Variants in RNF13 observed in about 807,000 individuals in gnomAD.
RNF13 encodes ring finger protein 13.
In RNF13, 19 loss-of-function variants were observed where a neutral mutation model predicts 37.7. The ratio of observed to expected loss-of-function variants is 0.50; its 90% CI spans 0.35 to 0.74. The LOEUF is 0.74. RNF13 is among the 30% of genes least tolerant of loss of function. The probability of loss-of-function intolerance (pLI) is 0.01; values close to 1 mark genes in which losing one functional copy is unlikely to be tolerated. For missense variants in RNF13, 375 were observed against 453.0 expected (o/e 0.83, Z 1.56); for synonymous variants, 144 against 157.8 (o/e 0.91, Z 0.65).
At chr3:149,948,282 G>A (rs1049074642) in intron 8 of RNF13, among the ~76,000 whole-genome samples, 7 of 152,188 alleles carry the variant, frequency 4.6e-5, no homozygotes, top group East Asian at 3.9e-4. Context: ...TGATTTTCTT[G>A]TAAGCACTTT....
In RNF13 at chr3:149,846,056, G is replaced by A. The variant is rs1455250502; in HGVS notation, c.30G>A (p.Leu10=). 6.2e-7 allele frequency: 1 copy of A among 1,612,212 alleles called. No individual in the cohort carries two copies. Residue 10 remains leucine (L), a synonymous_variant, in exon 2 of 10, where the codon CTG becomes CTA. Transcript: ENST00000392894. ...TGCTCTCCATAGGGATGCTCATGCT[G>A]TCAGCCACACAAGTCTACACCATCT... The part of the protein sequence containing the change: MLLSIGMLM[L]SATQVYTILT...
intron 8 of RNF13, among the ~76,000 whole-genome samples, chr3:149,926,514 C>G (rs1438180450): frequency 1.3e-5 from 2 of 151,996 alleles, no homozygotes; most frequent in Non-Finnish European, 2.9e-5. Flanking sequence ...CCAGCCTCTT[C>G]TGTGTTTTTA....
intron 1 of RNF13, among the ~76,000 whole-genome samples, chr3:149,843,224 T>C (rs1281744675): frequency 6.6e-6 from 1 of 152,202 alleles, no homozygotes; most frequent in African/African-American, 2.4e-5. Context: ...TGGGTGGACA[T>C]GTGTAGATTA....
At chr3:149,832,756 T>C (rs1268062926) in intron 1 of RNF13, among the ~76,000 whole-genome samples, 4 of 152,152 alleles carry the variant, frequency 2.6e-5, no homozygotes, top group Non-Finnish European at 5.9e-5. Flanking sequence ...ATAAACAATT[T>C]TATGCCAAGA....
chr3:149,895,700 G>T, intron 5 of RNF13, 140 bp downstream of exon 5: 4 of 499,240 alleles, frequency 8.0e-6, no homozygotes, highest in South Asian at 3.9e-5. Flanking sequence ...TCTTAACTCT[G>T]GATGATTTTA....
Position 149,845,998 on chromosome 3 carries a change from C to A in RNF13, c.-16-13C>A. 1.4e-6 allele frequency: 2 copies of A among 1,452,294 alleles called. No homozygotes were observed. Among genetic ancestry groups the A allele is most frequent in the Non-Finnish European group, 1.9e-6 (2 of 1,037,212 alleles). 90.0% of individuals were successfully genotyped at this position (1,452,294 alleles called of 1,614,324 possible). ...AGCACCAGCTCTCAGTTACTCACAT[C>A]CTTGTCTTCCAGGTGATTTTACAAC... On this transcript the variant is annotated splice_polypyrimidine_tract_variant and intron_variant, in intron 1 of 9. Coordinates refer to ENST00000392894, the MANE Select transcript of RNF13 (RefSeq NM_183381.3).
chr3:149,897,575 C>A (rs1464764144), intron 5 of RNF13, among the ~76,000 whole-genome samples: 1 of 152,176 alleles, frequency 6.6e-6, no homozygotes, highest in Admixed American at 6.5e-5. Flanking sequence ...TCAAAGACTG[C>A]TCAGAATTTT....
In RNF13 at chr3:149,872,561, A is replaced by G. The variant is rs16862282; in HGVS notation, c.321+407A>G. Among the ~76,000 whole-genome samples, 914 of 152,322 alleles carry G rather than the reference A, an allele frequency of 6.0e-3. 6 individuals are homozygous for G. The highest frequency in any genetic ancestry group is 0.021 in the African/African-American group (869 of 41,554). On this transcript the variant is annotated intron_variant, in intron 4 of 9. Transcript: ENST00000392894. ...GACATGGGTTAAGCTAGCATTTCAG[A>G]TAGTAAAACAAGGTTTACCCACCTC... is the stretch of plus-strand genomic sequence containing the variant.
intron 4 of RNF13, among the ~76,000 whole-genome samples, chr3:149,876,248 A>T (rs1712678645): frequency 6.6e-6 from 1 of 152,246 alleles, no homozygotes; most frequent in Non-Finnish European, 1.5e-5. Context: ...CACTTTATTC[A>T]GCAGTGTGTG....
At chr3:149,843,018 C>G (rs961203022) in intron 1 of RNF13, among the ~76,000 whole-genome samples, 1 of 152,126 alleles carries the variant, frequency 6.6e-6, no homozygotes, top group Non-Finnish European at 1.5e-5. Flanking sequence ...GCAGTTCGCC[C>G]TCCGTATCCA....
intron 6 of RNF13, among the ~76,000 whole-genome samples, chr3:149,909,899 TTA>T (rs1202143695): frequency 6.6e-6 from 1 of 151,926 alleles, no homozygotes; most frequent in Non-Finnish European, 1.5e-5. Context: ...CAGGATTTAT[TTA>T]TCTCATCAAG....
intron 8 of RNF13, among the ~76,000 whole-genome samples, chr3:149,923,540 A>T (rs1718349017): frequency 6.6e-6 from 1 of 152,030 alleles, no homozygotes; most frequent in Non-Finnish European, 1.5e-5. Flanking sequence ...GCCAAGGCAG[A>T]CAGATCACTA....
At chr3:149,932,565 A>G (rs1343222377) in intron 8 of RNF13, among the ~76,000 whole-genome samples, 4 of 149,664 alleles carry the variant, frequency 2.7e-5, no homozygotes, top group Admixed American at 1.3e-4. Flanking sequence ...AAAGGGAGGA[A>G]TTGGCCAAAA....
chr3:149,915,280 A>T (rs2108524699), intron 7 of RNF13, among the ~76,000 whole-genome samples: 1 of 152,298 alleles, frequency 6.6e-6, no homozygotes, highest in Admixed American at 6.5e-5. Flanking sequence ...ATATAGATTA[A>T]TTTTTTATAC....
At chr3:149,928,004 CTTTT>C (rs766839142) in intron 8 of RNF13, among the ~76,000 whole-genome samples, 9 of 111,188 alleles carry the variant, frequency 8.1e-5, no homozygotes, top group African/African-American at 1.4e-4. Context: ...AAGCAAAAAC[CTTTT>C]TTTTTTTTTT....
At chr3:149,946,946 G>A (rs1290440101) in intron 8 of RNF13, among the ~76,000 whole-genome samples, 2 of 152,084 alleles carry the variant, frequency 1.3e-5, no homozygotes, top group African/African-American at 2.4e-5. Context: ...CATTCCATCA[G>A]TTTTGGTATG....
chr3:149,883,725 G>A (rs566288849), intron 4 of RNF13, among the ~76,000 whole-genome samples: 44 of 151,136 alleles, frequency 2.9e-4, no homozygotes, highest in South Asian at 4.2e-4. Flanking sequence ...TAAGTTCTGG[G>A]GTACATGTAC....
At chr3:149,878,108 TTATG>T (rs1221483699) in intron 4 of RNF13, among the ~76,000 whole-genome samples, 1 of 152,176 alleles carries the variant, frequency 6.6e-6, no homozygotes, top group Non-Finnish European at 1.5e-5. Flanking sequence ...GTAACTTTAT[TTATG>T]TATCTATTCC....
At chr3:149,902,790 C>T (rs377096504) in intron 6 of RNF13, among the ~76,000 whole-genome samples, 1 of 152,074 alleles carries the variant, frequency 6.6e-6, no homozygotes, top group Non-Finnish European at 1.5e-5. Flanking sequence ...ATCCCCAAAA[C>T]GTAGTTGACC....
Sources: allele counts gnomAD v4.1 joint callset (sites outside exome capture counted in the v4.1 genomes callset), GRCh38; gene constraint gnomAD v4.1.1; transcripts MANE v1.5; gene names NCBI Gene and HGNC (gene_info 2026-07-23, HGNC 2026-07-21).